Variants in PRKG1 observed in about 807,000 individuals in gnomAD.
PRKG1 encodes the protein cGMP-dependent protein kinase 1.
In PRKG1, 35 loss-of-function variants were observed where a neutral mutation model predicts 88.1. The ratio of observed to expected loss-of-function variants is 0.40; its 90% CI spans 0.30 to 0.53. The LOEUF (loss-of-function observed/expected upper bound fraction) is 0.53. PRKG1 is among the 20% of genes least tolerant of loss of function. The pLI, the probability that PRKG1 is intolerant of heterozygous loss-of-function variation, is 0.59. For synonymous variants in PRKG1, 303 were observed against 292.5 expected (o/e 1.04, Z -0.37); for missense variants, 540 against 839.8 (o/e 0.64, Z 4.41).
chr10:51,736,260 T>TAAAAAAG (rs925440969), intron 3 of PRKG1, among the ~76,000 whole-genome samples: 1 of 151,996 alleles, frequency 6.6e-6, no homozygotes, highest in Non-Finnish European at 1.5e-5. Flanking sequence ...TTGGCTACTT[T>TAAAAAAG]AAAAAAATTA....
chr10:51,666,279 T>C (rs986157865), intron 3 of PRKG1, among the ~76,000 whole-genome samples: 5 of 152,214 alleles, frequency 3.3e-5, no homozygotes, highest in Non-Finnish European at 7.3e-5. Flanking sequence ...TATCTTTGGC[T>C]GCCTCTCCAA....
intron 2 of PRKG1, among the ~76,000 whole-genome samples, chr10:51,241,676 T>C (rs1839156775): frequency 6.6e-6 from 1 of 152,178 alleles, no homozygotes; most frequent in African/African-American, 2.4e-5. Context: ...TAGGTTGCAA[T>C]TGTTGTCAAC....
chr10:51,405,533 T>G, intron 2 of PRKG1, among the ~76,000 whole-genome samples: 1 of 152,212 alleles, frequency 6.6e-6, no homozygotes, highest in East Asian at 1.9e-4. Flanking sequence ...AAGTAAACCA[T>G]GTACTCTTCA....
At chr10:51,433,342 A>T (rs1838824336) in intron 2 of PRKG1, among the ~76,000 whole-genome samples, 1 of 152,062 alleles carries the variant, frequency 6.6e-6, no homozygotes, top group South Asian at 2.1e-4. Context: ...ATCAGATGAA[A>T]CATGCTGTGC....
At chr10:52,282,569 G>T (rs535333613) in intron 14 of PRKG1, among the ~76,000 whole-genome samples, 1 of 152,148 alleles carries the variant, frequency 6.6e-6, no homozygotes, top group South Asian at 2.1e-4. Flanking sequence ...AATGTGGAAG[G>T]ATATAATGTC....
At chr10:51,481,221 C>T (rs1040386071) in intron 3 of PRKG1, among the ~76,000 whole-genome samples, 9 of 138,042 alleles carry the variant, frequency 6.5e-5, no homozygotes, top group Non-Finnish European at 1.4e-4. Context: ...TCGTTCCTTC[C>T]TTCCTTCCTT....
chr10:51,929,488 T>C (rs989430683), intron 5 of PRKG1, among the ~76,000 whole-genome samples: 5 of 151,820 alleles, frequency 3.3e-5, no homozygotes, highest in South Asian at 2.1e-4. Context: ...GTAGCTGGGA[T>C]TACAGGCATG....
Position 51,564,652 on chromosome 10 carries a change from A to G in PRKG1, c.592+96816A>G, listed in dbSNP as rs1033691134. ...GATATTAAGTGTTTTTCCGTACATT[A>G]TGGTCTAATTCAATGACATTCTTTC... On this transcript the variant is annotated intron_variant, in intron 3 of 17. Coordinates refer to ENST00000373980, the MANE Select transcript of PRKG1 (RefSeq NM_006258.4). 3.9e-5 allele frequency among the ~76,000 whole-genome samples: 6 copies of G among 152,240 alleles called. No homozygotes were observed. In the East Asian group the frequency reaches 9.7e-4, roughly 25 times the overall value.
intron 4 of PRKG1, among the ~76,000 whole-genome samples, chr10:51,857,047 T>C (rs1367145470): frequency 3.3e-5 from 5 of 152,220 alleles, no homozygotes; most frequent in African/African-American, 1.2e-4. Context: ...ACTTTGCAAC[T>C]TCAATTGTGA....
intron 3 of PRKG1, among the ~76,000 whole-genome samples, chr10:51,670,715 G>C (rs1022420170): frequency 1.4e-5 from 2 of 146,106 alleles, no homozygotes; most frequent in Admixed American, 6.9e-5. Flanking sequence ...CAGCCTGGGC[G>C]ACAGAGCGAG....
At chr10:51,509,578 G>A (rs1475322710) in intron 3 of PRKG1, among the ~76,000 whole-genome samples, 2 of 151,844 alleles carry the variant, frequency 1.3e-5, no homozygotes, top group Admixed American at 6.6e-5. Flanking sequence ...GTCTCACTCT[G>A]TTGAGCAAGC....
At chr10:51,196,700 T>C (rs1342119909) in intron 2 of PRKG1, among the ~76,000 whole-genome samples, 1 of 152,170 alleles carries the variant, frequency 6.6e-6, no homozygotes, top group Non-Finnish European at 1.5e-5. Context: ...AAGTTTAAAC[T>C]TCAGGTGTGG....
In PRKG1 at chr10:51,803,791, G is replaced by A. The variant is rs573719950; in HGVS notation, c.593-794G>A. 1.5e-3 allele frequency among the ~76,000 whole-genome samples: 233 copies of A among 152,074 alleles called. 1 individual carries two copies. The highest frequency in any genetic ancestry group is 5.4e-3 in the African/African-American group (225 of 41,478). On this transcript the variant is annotated intron_variant, in intron 3 of 17. Coordinates refer to ENST00000373980, the MANE Select transcript of PRKG1 (RefSeq NM_006258.4). The stretch of plus-strand genomic sequence containing the variant: ...ATTTGAAAACATATATAAAAGTAAA[G>A]AGAATAAGAAATCTCTCATATGCCA...
rs76020469 is a variant in PRKG1, at chr10:51,328,662, G to A, written c.479-139061G>A. Among the ~76,000 whole-genome samples the A allele has an allele frequency of 6.3e-3, 952 of 151,998 alleles. 10 individuals are homozygous for A. Among genetic ancestry groups the A allele is most frequent in the African/African-American group, 0.022 (908 of 41,490 alleles). On this transcript the variant is annotated intron_variant, in intron 2 of 17. Transcript: ENST00000373980. ...AGGATTTCCTTTTCTCCACATCTTC[G>A]GTGATACTTGTTATCTTTTGTCTTT...
chr10:51,866,654 T>A (rs1841021694), intron 4 of PRKG1, among the ~76,000 whole-genome samples: 1 of 152,182 alleles, frequency 6.6e-6, no homozygotes, highest in South Asian at 2.1e-4. Flanking sequence ...GGTACACTAA[T>A]TTAAAACATC....
chr10:52,222,130 C>A lies in PRKG1; in HGVS notation c.1077-29440C>A, dbSNP rs1840260017. Reference sequence around the variant, plus strand: ...CTTCCGGTAAACACTCCTTGATGTTCCCTTAGAGTCATCCCTTTGAAGACT... The same window carrying A: ...CTTCCGGTAAACACTCCTTGATGTTACCTTAGAGTCATCCCTTTGAAGACT... On this transcript the variant is annotated intron_variant, in intron 9 of 17. Transcript: ENST00000373980. 2.0e-5 allele frequency among the ~76,000 whole-genome samples: 3 copies of A among 152,186 alleles called. No homozygotes were observed. The South Asian group carries it at 6.2e-4, about 32-fold the overall frequency.
chr10:52,103,893 C>T (rs1231833527), intron 7 of PRKG1, among the ~76,000 whole-genome samples: 1 of 151,246 alleles, frequency 6.6e-6, no homozygotes, highest in Non-Finnish European at 1.5e-5. Flanking sequence ...ATTTATATAT[C>T]CTATTAGATA....
intron 1 of PRKG1, among the ~76,000 whole-genome samples, chr10:51,121,217 G>T (rs950643792): frequency 6.6e-5 from 10 of 152,120 alleles, no homozygotes; most frequent in Non-Finnish European, 1.5e-4. Context: ...CATTACATCT[G>T]TAGGCCCCTT....
At chr10:51,931,356 A>T (rs7070958) in intron 5 of PRKG1, among the ~76,000 whole-genome samples, 2 of 151,906 alleles carry the variant, frequency 1.3e-5, no homozygotes, top group Non-Finnish European at 2.9e-5. Flanking sequence ...GCTTATTTCC[A>T]TAATTCCAGT....
Sources: gnomAD v4.1 joint callset for allele counts (sites outside exome capture counted in the v4.1 genomes callset) on GRCh38, gnomAD v4.1.1 for gene constraint, MANE v1.5 for transcripts, NCBI Gene and HGNC (gene_info 2026-07-23, HGNC 2026-07-21) for gene names.